RBMS3: variants seen among roughly 807,000 people sequenced by gnomAD.
RBMS3 encodes the protein RNA-binding motif, single-stranded-interacting protein 3.
RBMS3 carries 27 observed loss-of-function variants against 66.8 expected under a neutral mutation model. That is an observed-to-expected ratio of 0.40 (90% CI 0.30 to 0.56). RBMS3 has a LOEUF of 0.56. Among genes scored for constraint, RBMS3 ranks in the 20% least tolerant of loss-of-function variants. RBMS3 has a pLI of 0.40. For missense variants in RBMS3, 513 were observed against 549.5 expected, an observed-to-expected ratio of 0.93 and a Z score of 0.66; for synonymous variants, 188 against 183.0, an observed-to-expected ratio of 1.03 and a Z score of -0.22.
In RBMS3 at chr3:29,932,069, A is replaced by G. The variant is rs145555711; in HGVS notation, c.940-4017A>G. Among the ~76,000 whole-genome samples the G allele has an allele frequency of 2.6e-5, 4 of 152,258 alleles. No homozygotes were observed. In the East Asian group the frequency reaches 7.7e-4, roughly 29 times the overall value. On this transcript the variant is annotated intron_variant, in intron 10 of 14. Coordinates refer to ENST00000383767, the MANE Select transcript of RBMS3 (RefSeq NM_001003793.3). ...TGTTTTTCCATTTCTATGAGTTCAA[A>G]TGCAAGGCTACTAAGATTCCAAATA...
At chr3:29,700,837 GAC>G (rs1175755324) in intron 4 of RBMS3, among the ~76,000 whole-genome samples, 1 of 123,524 alleles carries the variant, frequency 8.1e-6, no homozygotes, top group African/African-American at 3.2e-5. Context: ...CTGGTTAGAG[GAC>G]ACACGAGGGA....
At chr3:29,645,040 CTT>C (rs1255855460) in intron 4 of RBMS3, among the ~76,000 whole-genome samples, 1 of 152,156 alleles carries the variant, frequency 6.6e-6, no homozygotes, top group Non-Finnish European at 1.5e-5. Context: ...ATAGCAAAGA[CTT>C]TTAATGATTC....
chr3:29,723,448 T>G (rs1365545747), intron 4 of RBMS3, among the ~76,000 whole-genome samples: 1 of 152,208 alleles, frequency 6.6e-6, no homozygotes, highest in African/African-American at 2.4e-5. Context: ...TTCACTTATA[T>G]AAGAAGGAAC....
intron 1 of RBMS3, among the ~76,000 whole-genome samples, chr3:29,331,652 G>A (rs774914990): frequency 4.0e-5 from 6 of 151,796 alleles, no homozygotes; most frequent in African/African-American, 9.7e-5. Context: ...TCTCAGCCTC[G>A]CGTGGCTGAC....
chr3:29,439,752 T>TC (rs2041546748), intron 2 of RBMS3, among the ~76,000 whole-genome samples: 2 of 152,010 alleles, frequency 1.3e-5, no homozygotes, highest in South Asian at 2.1e-4. Flanking sequence ...ATGCTATCCC[T>TC]CCCCCCTTTT....
intron 1 of RBMS3, among the ~76,000 whole-genome samples, chr3:29,358,271 C>G (rs1171753399): frequency 6.6e-6 from 1 of 152,148 alleles, no homozygotes; most frequent in East Asian, 1.9e-4. Context: ...TATGGCTAGC[C>G]AGTTTTCCCA....
At chr3:29,566,642 A>G (rs1480576965) in intron 3 of RBMS3, among the ~76,000 whole-genome samples, 1 of 151,850 alleles carries the variant, frequency 6.6e-6, no homozygotes, top group Non-Finnish European at 1.5e-5. Flanking sequence ...TGCAAAAAAA[A>G]AAAAAAAAAA....
At chr3:29,666,847 A>C (rs778628150) in intron 4 of RBMS3, among the ~76,000 whole-genome samples, 3 of 152,194 alleles carry the variant, frequency 2.0e-5, no homozygotes, top group African/African-American at 7.2e-5. Context: ...AGCTTATCAC[A>C]GTTGTTAATG....
In RBMS3 at chr3:29,787,525, A is replaced by G. The variant is rs969802350; in HGVS notation, c.637+24536A>G. Among the ~76,000 whole-genome samples, 12 of 152,230 alleles carry G rather than the reference A, an allele frequency of 7.9e-5. No individual in the cohort carries two copies. In the South Asian group the frequency reaches 2.5e-3, roughly 31 times the overall value. On this transcript the variant is annotated intron_variant, in intron 6 of 14. Transcript: ENST00000383767. ...CCATAAAAAGGAATGAAATAATGGC[A>G]TTTGCAGCAATGCCATTGCAATTGC...
At chr3:29,457,339 C>T (rs1273797920) in intron 2 of RBMS3, among the ~76,000 whole-genome samples, 2 of 152,168 alleles carry the variant, frequency 1.3e-5, no homozygotes, top group Non-Finnish European at 2.9e-5. Flanking sequence ...CTAATAAAGG[C>T]CCATCAATCT....
chr3:29,508,696 A>G (rs2044279116), intron 3 of RBMS3, among the ~76,000 whole-genome samples: 1 of 151,840 alleles, frequency 6.6e-6, no homozygotes, highest in South Asian at 2.1e-4. Context: ...ATGATTTTTA[A>G]TCCTTTCGGT....
intron 1 of RBMS3, among the ~76,000 whole-genome samples, chr3:29,326,383 T>C (rs1225965607): frequency 6.6e-6 from 1 of 152,202 alleles, no homozygotes; most frequent in African/African-American, 2.4e-5. Context: ...AATGAGCTTC[T>C]CCACCTTCTA....
intron 1 of RBMS3, among the ~76,000 whole-genome samples, chr3:29,433,982 A>G (rs1456017567): frequency 6.6e-6 from 1 of 152,202 alleles, no homozygotes; most frequent in East Asian, 1.9e-4. Flanking sequence ...TCTGGGAGAT[A>G]GAGGCTAAGG....
intron 5 of RBMS3, among the ~76,000 whole-genome samples, chr3:29,760,816 A>G (rs2149380278): frequency 6.6e-6 from 1 of 152,288 alleles, no homozygotes; most frequent in Non-Finnish European, 1.5e-5. Flanking sequence ...ATCTTCTGAT[A>G]TAGGGGAACT....
At chr3:29,696,373 G>A (rs777477218) in intron 4 of RBMS3, among the ~76,000 whole-genome samples, 1 of 152,098 alleles carries the variant, frequency 6.6e-6, no homozygotes, top group African/African-American at 2.4e-5. Flanking sequence ...CTGAATAAAT[G>A]GTACCTGCCA....
intron 8 of RBMS3, among the ~76,000 whole-genome samples, chr3:29,885,523 A>G (rs1254683742): frequency 1.3e-5 from 2 of 151,928 alleles, no homozygotes; most frequent in Non-Finnish European, 2.9e-5. Context: ...GTTATAATGG[A>G]AAGGAATGAC....
chr3:29,392,719 A>G (rs926667644), intron 1 of RBMS3, among the ~76,000 whole-genome samples: 1 of 152,170 alleles, frequency 6.6e-6, no homozygotes, highest in African/African-American at 2.4e-5. Context: ...ACACAGACAT[A>G]CACACAGACA....
rs185491995 is a variant in RBMS3, at chr3:29,620,874, A to G, written c.399+33669A>G. Among the ~76,000 whole-genome samples, 1,095 of 152,302 alleles carry G rather than the reference A, an allele frequency of 7.2e-3. 9 individuals carry two copies. The highest frequency in any genetic ancestry group is 0.011 in the Non-Finnish European group (757 of 68,002). On this transcript the variant is annotated intron_variant, in intron 4 of 14. Coordinates refer to ENST00000383767, the MANE Select transcript of RBMS3 (RefSeq NM_001003793.3). Reference sequence around the variant, plus strand: ...GGGAATTGAATTTTACGGTTTTACTAATAACTGAAATACTGTGATTAACCA... The same window carrying G: ...GGGAATTGAATTTTACGGTTTTACTGATAACTGAAATACTGTGATTAACCA...
chr3:29,962,828 C>T (rs1696573925), intron 12 of RBMS3, among the ~76,000 whole-genome samples: 1 of 151,962 alleles, frequency 6.6e-6, no homozygotes. Context: ...ATTAACCTTC[C>T]TTGACTACTG....
Sources: allele counts gnomAD v4.1 joint callset (sites outside exome capture counted in the v4.1 genomes callset), GRCh38; gene constraint gnomAD v4.1.1; transcripts MANE v1.5; gene names NCBI Gene and HGNC (gene_info 2026-07-23, HGNC 2026-07-21).